The following SLC36A1 variants were observed in gnomAD, a reference collection of about 807,000 sequenced individuals.
SLC36A1 encodes solute carrier family 36 member 1, also known as proton-coupled amino acid transporter 1.
In SLC36A1, 30 loss-of-function variants were observed where a neutral mutation model predicts 47.5. The observed-to-expected ratio is 0.63, with a 90% CI of 0.47 to 0.86. SLC36A1 has a LOEUF of 0.86. Among genes scored for constraint, SLC36A1 ranks in the 40% least tolerant of loss-of-function variants. The probability of loss-of-function intolerance (pLI) is 0.00; values close to 1 mark genes in which losing one functional copy is unlikely to be tolerated. For missense variants in SLC36A1, 517 were observed against 606.0 expected (o/e 0.85, Z 1.54); for synonymous variants, 255 against 249.7 (o/e 1.02, Z -0.20).
the SLC36A1 span, among the ~76,000 whole-genome samples, chr5:151,366,172 A>G: frequency 1.3e-5 from 2 of 152,194 alleles, no homozygotes; most frequent in Non-Finnish European, 2.9e-5. Flanking sequence ...TGAGGCTCCC[A>G]AGGGGAAGTG....
chr5:151,499,217 C>T, the SLC36A1 span, among the ~76,000 whole-genome samples: 2 of 152,210 alleles, frequency 1.3e-5, no homozygotes, highest in African/African-American at 4.8e-5. Flanking sequence ...CTTTTTGCAG[C>T]TGGATGCCTG....
the SLC36A1 span, among the ~76,000 whole-genome samples, chr5:151,365,720 T>G: frequency 6.6e-6 from 1 of 152,212 alleles, no homozygotes; most frequent in African/African-American, 2.4e-5. Flanking sequence ...CCTTACTAAC[T>G]GTATGAGTTA....
chr5:151,480,575 C>T (rs1209845761), intron 10 of SLC36A1, among the ~76,000 whole-genome samples: 1 of 152,194 alleles, frequency 6.6e-6, no homozygotes, highest in South Asian at 2.1e-4. Flanking sequence ...CTGTTGAAAG[C>T]CAGCTGCTGT....
chr5:151,478,159 T>A (rs1758326796), intron 9 of SLC36A1, among the ~76,000 whole-genome samples: 1 of 152,218 alleles, frequency 6.6e-6, no homozygotes, highest in Admixed American at 6.5e-5. Flanking sequence ...TCTTCTAGAT[T>A]TTAAATTCAA....
At chr5:151,551,467 C>G in the SLC36A1 span, 1 of 1,614,054 alleles carries the variant, frequency 6.2e-7, no homozygotes, top group Non-Finnish European at 8.5e-7. Flanking sequence ...GGCCTCTAAC[C>G]TGTGTGGCAA....
chr5:151,494,556 A>T (rs79500345), downstream of SLC36A1, among the ~76,000 whole-genome samples: 7,259 of 152,270 alleles, frequency 0.048, 172 homozygotes, highest in Non-Finnish European at 0.053. Flanking sequence ...TTACATATGT[A>T]GCCCTTTGTG....
At chr5:151,543,116 A>C in the SLC36A1 span, 1 of 1,614,192 alleles carries the variant, frequency 6.2e-7, no homozygotes, top group South Asian at 1.1e-5. Context: ...AGAGAGTTCC[A>C]GTGAGGAGGG....
At chr5:151,440,093 G>A (rs188944648) in intron 1 of SLC36A1, among the ~76,000 whole-genome samples, 371 of 152,202 alleles carry the variant, frequency 2.4e-3, no homozygotes, top group Non-Finnish European at 4.2e-3. Flanking sequence ...GTGAATAACG[G>A]CATTGCTCTC....
chr5:151,477,272 G>T (rs545877139), intron 9 of SLC36A1, among the ~76,000 whole-genome samples: 4 of 152,156 alleles, frequency 2.6e-5, no homozygotes, highest in African/African-American at 7.2e-5. Flanking sequence ...ATGTCCCAGG[G>T]CATGTGCAGA....
intron 7 of SLC36A1, among the ~76,000 whole-genome samples, chr5:151,472,602 T>C (rs945837739): frequency 6.6e-6 from 1 of 152,184 alleles, no homozygotes; most frequent in Admixed American, 6.5e-5. Context: ...CCTCCCCACA[T>C]GTTCCAGCAC....
At chr5:151,365,879 T>C in the SLC36A1 span, among the ~76,000 whole-genome samples, 2 of 152,178 alleles carry the variant, frequency 1.3e-5, no homozygotes, top group African/African-American at 2.4e-5. Context: ...TGTGCCTCCA[T>C]TGGTGGTGCC....
the SLC36A1 span, chr5:151,551,327 G>A: frequency 3.5e-6 from 3 of 852,974 alleles, no homozygotes; most frequent in Non-Finnish European, 5.5e-6. Context: ...AGTAGAGAGT[G>A]TATTAGACAA....
chr5:151,544,459 C>G, the SLC36A1 span: 3 of 1,614,134 alleles, frequency 1.9e-6, no homozygotes, highest in East Asian at 2.2e-5. Context: ...TGTTAGGACA[C>G]CAGTCTTGAA....
chr5:151,422,407 A>G, the SLC36A1 span, among the ~76,000 whole-genome samples: 2 of 152,204 alleles, frequency 1.3e-5, no homozygotes, highest in South Asian at 4.1e-4. Flanking sequence ...AAGAAAAGAA[A>G]CAATCAGATT....
the SLC36A1 span, among the ~76,000 whole-genome samples, chr5:151,362,148 A>G: frequency 2.0e-5 from 3 of 152,220 alleles, no homozygotes; most frequent in Admixed American, 6.5e-5. Flanking sequence ...TTTTTTAATA[A>G]GCTTTCTACC....
chr5:151,541,923 G>A, the SLC36A1 span, among the ~76,000 whole-genome samples: 1,482 of 152,294 alleles, frequency 9.7e-3, 21 homozygotes, highest in African/African-American at 0.033. Context: ...AAAGACAGTC[G>A]CTTGACAGAA....
the SLC36A1 span, chr5:151,544,347 G>C: frequency 1.9e-6 from 3 of 1,614,078 alleles, no homozygotes; most frequent in Non-Finnish European, 2.5e-6. Context: ...CCTCCACTAG[G>C]ACTTCCACTG....
At chr5:151,507,660 C>T in the SLC36A1 span, 1 of 1,503,122 alleles carries the variant, frequency 6.7e-7, no homozygotes, top group East Asian at 2.3e-5. Context: ...TTGCCCTTTC[C>T]ATGTCCCCTC....
chr5:151,352,268 A>G, the SLC36A1 span, among the ~76,000 whole-genome samples: 40,576 of 151,894 alleles, frequency 0.27, 7,185 homozygotes, highest in African/African-American at 0.5. Context: ...TATCTTGATT[A>G]TGTGTGTGTA....
Sources: allele counts gnomAD v4.1 joint callset (sites outside exome capture counted in the v4.1 genomes callset), GRCh38; gene constraint gnomAD v4.1.1; transcripts MANE v1.5; gene names NCBI Gene and HGNC (gene_info 2026-07-23, HGNC 2026-07-21).